The following PROSER1 variants were observed in gnomAD, a reference collection of about 807,000 sequenced individuals.
PROSER1 encodes the protein proline and serine rich 1.
In PROSER1, 36 loss-of-function variants were observed where a neutral mutation model predicts 71.8. The observed-to-expected ratio is 0.50, with a 90% CI of 0.38 to 0.66. The LOEUF is 0.66. Ranked by LOEUF, PROSER1 falls within the 30% of genes least tolerant of loss-of-function variation. The pLI is 0.00. For missense variants in PROSER1, 1,107 were observed against 1,135.0 expected, an observed-to-expected ratio of 0.98 and a Z score of 0.35; for synonymous variants, 490 against 452.4, an observed-to-expected ratio of 1.08 and a Z score of -1.06.
intron 2 of PROSER1, among the ~76,000 whole-genome samples, chr13:39,032,890 G>GT (rs1400793550): frequency 6.6e-6 from 1 of 151,766 alleles, no homozygotes; most frequent in Non-Finnish European, 1.5e-5. Flanking sequence ...GCTATTAGCT[G>GT]TAAGAAATTA....
At chr13:39,029,764 G>C (rs569038309) in intron 3 of PROSER1, among the ~76,000 whole-genome samples, 1 of 152,126 alleles carries the variant, frequency 6.6e-6, no homozygotes, top group African/African-American at 2.4e-5. Flanking sequence ...TCCTCAGTTA[G>C]AGGGCTAAGT....
At chr13:39,017,417 A>G in intron 10 of PROSER1, 83 bp downstream of exon 10, 1 of 862,392 alleles carries the variant, frequency 1.2e-6, no homozygotes, top group South Asian at 1.6e-5. Flanking sequence ...TAACCATTCC[A>G]AATATACTCA....
chr13:39,031,124 T>C (rs1469399704), intron 3 of PROSER1, among the ~76,000 whole-genome samples: 1 of 152,182 alleles, frequency 6.6e-6, no homozygotes, highest in Non-Finnish European at 1.5e-5. Context: ...CTAATTACAA[T>C]TAAATAAAAT....
chr13:39,029,040 C>A (rs1023799929), intron 4 of PROSER1: 8 of 303,340 alleles, frequency 2.6e-5, no homozygotes, highest in Non-Finnish European at 4.8e-5. Flanking sequence ...GAAGGCAAAG[C>A]AAATAACTGA....
At position 39,037,294 on chromosome 13, in the gene PROSER1, C is replaced by G; in HGVS notation, c.-52G>C. On this transcript the variant is annotated 5_prime_UTR_variant, in exon 1 of 13. Transcript: ENST00000352251. Reference sequence around the variant, plus strand: ...AACAGTTATACTTGCAATTAAAAGACGTTCATCCCTGGTCTGCTCCGCCGA... The same window carrying G: ...AACAGTTATACTTGCAATTAAAAGAGGTTCATCCCTGGTCTGCTCCGCCGA... The G allele has an allele frequency of 7.6e-7, 1 of 1,320,438 alleles. No homozygotes were observed. The highest frequency in any genetic ancestry group is 1.1e-6 in the Non-Finnish European group (1 of 912,298). 81.8% of individuals were successfully genotyped at this position (1,320,438 alleles called of 1,614,324 possible).
Position 39,037,441 on chromosome 13 carries a change from T to G in PROSER1, c.-199A>C. ...TCTAAAAATTGAGATTCAGAAAAACTCTTTTTATTAAAAAGAAAAAACACT... is the reference window on the plus strand; with the variant it reads ...TCTAAAAATTGAGATTCAGAAAAACGCTTTTTATTAAAAAGAAAAAACACT... On this transcript the variant is annotated 5_prime_UTR_variant, in exon 1 of 13. Transcript: ENST00000352251. 1.8e-6 allele frequency: 1 copy of G among 569,026 alleles called. No individual in the cohort carries two copies. Among genetic ancestry groups the G allele is most frequent in the East Asian group, 2.9e-5 (1 of 34,592 alleles). The allele number at this position is 569,026 out of a possible 1,614,324, so 35.2% of individuals were successfully genotyped here. A position where few individuals can be genotyped will look rare whatever the true frequency, so the allele number is the denominator to read the frequency against.
chr13:39,019,380 T>C (rs1455493352), intron 9 of PROSER1, among the ~76,000 whole-genome samples: 3 of 147,156 alleles, frequency 2.0e-5, no homozygotes. Context: ...TAGCCAGGCA[T>C]GGTGGTATGC....
At chr13:39,033,517 G>C (rs1870957760) in intron 2 of PROSER1, among the ~76,000 whole-genome samples, 1 of 152,166 alleles carries the variant, frequency 6.6e-6, no homozygotes, top group Admixed American at 6.5e-5. Flanking sequence ...ATTTATGCCT[G>C]ACTTCTCTAT....
intron 5 of PROSER1, among the ~76,000 whole-genome samples, chr13:39,026,834 G>A (rs1870568906): frequency 6.6e-6 from 1 of 151,996 alleles, no homozygotes; most frequent in South Asian, 2.1e-4. Context: ...CATGACATTG[G>A]GTGGTCCAAA....
Position 39,026,387 on chromosome 13 carries a change from C to A in PROSER1, c.370G>T (p.Ala124Ser). The A allele has an allele frequency of 6.3e-7, 1 of 1,597,848 alleles. No homozygotes were observed. The highest frequency in any genetic ancestry group is 8.5e-7 in the Non-Finnish European group (1 of 1,171,182). Reference protein sequence around the residue: ...KKRCKRILEQAFKGGCKAPHA... With the variant: ...KKRCKRILEQSFKGGCKAPHA... ...GGAGCTTTGCAGCCCCCCTTGAAAG[C>A]CTGTAATATAAGAAAGAAGAGGGGT... The change falls in exon 6 of 13, where the codon GCT becomes TCT. Residue 124 changes from alanine to serine, a missense_variant and splice_region_variant. Coordinates refer to ENST00000352251, the MANE Select transcript of PROSER1 (RefSeq NM_025138.5).
Position 39,014,306 on chromosome 13 carries a change from A to T in PROSER1, c.946T>A (p.Phe316Ile). The change falls in exon 11 of 13, where the codon TTC (phenylalanine) becomes ATC (isoleucine). Residue 316 changes from phenylalanine (F) to isoleucine (I), a missense_variant. Transcript: ENST00000352251. ...MNLLNTVLPV[F>I]PGQVSSAVHT... ...ACGGCTGAGGAGACCTGCCCTGGGAACACAGGAAGGACAGTATTCAGCAGG... is the reference window on the plus strand; with the variant it reads ...ACGGCTGAGGAGACCTGCCCTGGGATCACAGGAAGGACAGTATTCAGCAGG... 1 of 1,614,150 alleles carries T rather than the reference A, an allele frequency of 6.2e-7. No homozygotes were observed. The highest frequency in any genetic ancestry group is 8.5e-7 in the Non-Finnish European group (1 of 1,180,022).
At chr13:39,019,222 T>C (rs1244662314) in intron 9 of PROSER1, among the ~76,000 whole-genome samples, 1 of 150,500 alleles carries the variant, frequency 6.6e-6, no homozygotes, top group East Asian at 1.9e-4. Context: ...AAAGGAGAGG[T>C]CGGGCGCAGT....
chr13:39,017,137 T>C (rs1392203677), intron 10 of PROSER1, among the ~76,000 whole-genome samples: 1 of 152,204 alleles, frequency 6.6e-6, no homozygotes, highest in Non-Finnish European at 1.5e-5. Context: ...CTGACTAGCA[T>C]TTGTCAAAAA....
intron 9 of PROSER1, among the ~76,000 whole-genome samples, chr13:39,018,653 T>C (rs1049031684): frequency 1.3e-5 from 2 of 151,760 alleles, no homozygotes; most frequent in Non-Finnish European, 2.9e-5. Flanking sequence ...AAATATCACT[T>C]AGAATGCCAA....
At chr13:39,026,693 C>G (rs375815154) in intron 5 of PROSER1, among the ~76,000 whole-genome samples, 2 of 152,134 alleles carry the variant, frequency 1.3e-5, no homozygotes, top group African/African-American at 4.8e-5. Context: ...ATTTCTTCAA[C>G]TAGCAAGAAA....
At position 39,011,300 on chromosome 13, in the gene PROSER1, A is replaced by G; in HGVS notation, c.*65T>C. The G allele has an allele frequency of 6.5e-7, 1 of 1,531,064 alleles. No individual in the cohort carries two copies. The highest frequency in any genetic ancestry group is 9.0e-7 in the Non-Finnish European group (1 of 1,116,912). The allele number at this position is 1,531,064 out of a possible 1,614,324, so 94.8% of individuals were successfully genotyped here. A position where few individuals can be genotyped will look rare whatever the true frequency, so the allele number is the denominator to read the frequency against. On this transcript the variant is annotated 3_prime_UTR_variant, in exon 13 of 13. Coordinates refer to ENST00000352251, the MANE Select transcript of PROSER1 (RefSeq NM_025138.5). The stretch of plus-strand genomic sequence containing the variant: ...TTTTGGCCAGCTTCACATTTGTCAG[A>G]TTGTTCATTGCAGTTCTCAGGCAAT...
rs114302696 is a variant in PROSER1 at position 39,023,371 on chromosome 13, C to A, written c.565-241G>T. The stretch of plus-strand genomic sequence containing the variant: ...AGAGGTGGCCAGAGATTTTTAAAAT[C>A]ATCTCCAATAAGGGGTTAGATCTCA... On this transcript the variant is annotated intron_variant, in intron 7 of 12. Transcript: ENST00000352251. 3.9e-3 allele frequency: 1,635 copies of A among 417,550 alleles called. 27 individuals carry two copies. The highest frequency in any genetic ancestry group is 0.03 in the African/African-American group (1,529 of 50,460). 25.9% of individuals were successfully genotyped at this position (417,550 alleles called of 1,614,324 possible). A position where few individuals can be genotyped will look rare whatever the true frequency, so the allele number is the denominator to read the frequency against.
At position 39,013,735 on chromosome 13, in the gene PROSER1, T is replaced by G; in HGVS notation, c.1517A>C (p.Gln506Pro). The change falls in exon 11 of 13, where the codon CAG (glutamine) becomes CCG (proline). Residue 506 changes from glutamine (Q) to proline (P), a missense_variant. Transcript: ENST00000352251. Reference protein sequence around the residue: ...GLASLSSLTLQNSDSSASAPN... With the variant: ...GLASLSSLTLPNSDSSASAPN... ...GGCTGAAGCAGAAGAGTCAGAGTTC[T>G]GAAGAGTAAGAGAAGATAGTGAAGC... 1 of 1,614,140 alleles carries G rather than the reference T, an allele frequency of 6.2e-7. No homozygotes were observed. Among genetic ancestry groups the G allele is most frequent in the Non-Finnish European group, 8.5e-7 (1 of 1,180,014 alleles).
In PROSER1 at chr13:39,011,151, A is replaced by G. The variant is rs1869628403; in HGVS notation, c.*214T>C. ...AGTCTCCAAACACTTTTTAAATACC[A>G]TTCTCCATACAATTTATTGTCAGCA... On this transcript the variant is annotated 3_prime_UTR_variant, in exon 13 of 13. Coordinates refer to ENST00000352251, the MANE Select transcript of PROSER1 (RefSeq NM_025138.5). 12 of 530,172 alleles carry G rather than the reference A, an allele frequency of 2.3e-5. No individual in the cohort carries two copies. The South Asian group carries it at 2.8e-4, about 12-fold the overall frequency. The allele number at this position is 530,172 out of a possible 1,614,324, so 32.8% of individuals were successfully genotyped here.
Sources: allele counts gnomAD v4.1 joint callset (sites outside exome capture counted in the v4.1 genomes callset), GRCh38; gene constraint gnomAD v4.1.1; transcripts MANE v1.5; gene names NCBI Gene and HGNC (gene_info 2026-07-23, HGNC 2026-07-21).